COL8A2: variants seen among roughly 807,000 people sequenced by gnomAD.
COL8A2 encodes the protein collagen alpha-2(VIII) chain.
Under a neutral mutation model 24.0 loss-of-function variants are expected in COL8A2, and 16 were observed. That is an observed-to-expected ratio of 0.67 (90% CI 0.45 to 1.01). The LOEUF (loss-of-function observed/expected upper bound fraction) is 1.01. Ranked by LOEUF, COL8A2 falls within the 50% of genes least tolerant of loss-of-function variation. The pLI, the probability that COL8A2 is intolerant of heterozygous loss-of-function variation, is 0.00. For synonymous variants in COL8A2, 466 were observed against 424.5 expected (o/e 1.10, Z -1.20); for missense variants, 818 against 942.4 (o/e 0.87, Z 1.73).
intron 2 of COL8A2, among the ~76,000 whole-genome samples, chr1:36,102,668 T>TTG (rs1643695151): frequency 2.4e-5 from 3 of 125,580 alleles, no homozygotes; most frequent in South Asian, 2.7e-4. Flanking sequence ...AAGCTGGTTT[T>TTG]TTGTTTTTTT....
chr1:36,105,557 C>T (rs888874989), intron 2 of COL8A2, among the ~76,000 whole-genome samples: 2 of 152,216 alleles, frequency 1.3e-5, no homozygotes, highest in Non-Finnish European at 2.9e-5. Flanking sequence ...GCCTGACCCA[C>T]CGGGGAATGC....
At chr1:36,124,344 G>C (rs572075053) in intron 1 of COL8A2, among the ~76,000 whole-genome samples, 1 of 152,284 alleles carries the variant, frequency 6.6e-6, no homozygotes, top group East Asian at 1.9e-4. Context: ...GAGGATTTCC[G>C]GGGCTAGGGT....
Position 36,098,037 on chromosome 1 carries a change from G to A in COL8A2, c.1644C>T (p.Asn548=), listed in dbSNP as rs561219162. ...CCAGCACGGCACCCTCCACACCGCC[G>A]TTGGGCAGGTGCAAGCCTGCGATGC... ...ETGIAGLHLP[N]GGVEGAVLGK... is the part of the protein sequence containing the mutation. Residue 548 remains asparagine, a synonymous_variant, in exon 4 of 4, where the codon AAC becomes AAT. Transcript: ENST00000397799. 145 of 1,592,366 alleles carry A rather than the reference G, an allele frequency of 9.1e-5. 1 individual carries two copies. The East Asian group carries it at 9.4e-4, about 10-fold the overall frequency.
At position 36,099,217 on chromosome 1, in the gene COL8A2, C is replaced by G. The variant is rs75864656; in HGVS notation, c.464G>C (p.Arg155Pro). Residue 155 changes from arginine to proline, a missense_variant, in exon 4 of 4, where the codon CGG becomes CCG. By Grantham distance (103) the Arg-to-Pro change is moderately radical (BLOSUM62 -2). Coordinates refer to ENST00000397799, the MANE Select transcript of COL8A2 (RefSeq NM_005202.4). ...GAGGCCAGGGGGTCCTGGGGGTCCC[C>G]GGAGGCCCTGGTCCCCTCGTATTCC... Reference protein sequence around the residue: ...EPGIRGDQGLRGPPGPPGLPG... With the variant: ...EPGIRGDQGLPGPPGPPGLPG... 6.5e-7 allele frequency: 1 copy of G among 1,537,646 alleles called. No homozygotes were observed. Among genetic ancestry groups the G allele is most frequent in the South Asian group, 1.2e-5 (1 of 83,272 alleles).
chr1:36,099,985 C>CA (rs1643650437), intron 3 of COL8A2, 65 bp downstream of exon 3: 1 of 1,498,798 alleles, frequency 6.7e-7, no homozygotes, highest in African/African-American at 1.4e-5. Context: ...TGATGGCTCT[C>CA]AGGGAGGCAG....
intron 2 of COL8A2, among the ~76,000 whole-genome samples, chr1:36,112,299 G>A (rs368841300): frequency 1.1e-4 from 17 of 151,978 alleles, no homozygotes; most frequent in African/African-American, 9.7e-5. Context: ...CACCGCGCCC[G>A]GCCTATTTTT....
At chr1:36,121,874 G>C (rs1363727771) in intron 1 of COL8A2, among the ~76,000 whole-genome samples, 1 of 152,086 alleles carries the variant, frequency 6.6e-6, no homozygotes, top group Non-Finnish European at 1.5e-5. Flanking sequence ...CCTCAGGTGA[G>C]TTCCCCTCTG....
At chr1:36,103,644 C>A (rs1269430904) in intron 2 of COL8A2, among the ~76,000 whole-genome samples, 1 of 151,260 alleles carries the variant, frequency 6.6e-6, no homozygotes, top group Non-Finnish European at 1.5e-5. Flanking sequence ...CAATGAATGG[C>A]ACAATCTCAG....
Position 36,123,533 on chromosome 1 carries a change from G to C in COL8A2, c.-62+1524C>G. ...AAACCAGAGAAAGAGACCCTGGTGA[G>C]TGTGTCTGGGTGTGAGCGTATGTGT... On this transcript the variant is annotated intron_variant, in intron 1 of 3. Transcript: ENST00000397799. This position sits in a 1 kb window ranked among gnomAD's most constrained non-coding sequence, Gnocchi z 4.1. Among the ~76,000 whole-genome samples the C allele has an allele frequency of 6.6e-6, 1 of 152,212 alleles. No individual in the cohort carries two copies. Among genetic ancestry groups the C allele is most frequent in the East Asian group, 1.9e-4 (1 of 5,200 alleles).
In COL8A2 at chr1:36,099,485, T is replaced by C. The variant is rs951931608; in HGVS notation, c.196A>G (p.Met66Val). The change falls in exon 4 of 4, where the codon ATG (methionine) becomes GTG (valine). Residue 66 changes from methionine (M) to valine (V), a missense_variant and splice_region_variant. Physicochemically the swap from Met to Val is conservative, Grantham distance 21. Around this residue, in one of 3 missense-constraint regions of COL8A2, gnomAD observed 573 missense variants for 616.8 expected, o/e 0.93. Transcript: ENST00000397799. ...TCCATCGGCAGCAGCGGTAGAGGCA[T>C]TTCTGAGAAAGAAAGAGAAAGGGGC... ...FREGKGQYLE[M>V]PLPLLPMDLK... 71 of 1,538,026 alleles carry C rather than the reference T, an allele frequency of 4.6e-5. No individual in the cohort carries two copies. The highest frequency in any genetic ancestry group is 5.7e-5 in the Non-Finnish European group (65 of 1,147,662).
chr1:36,118,254 T>C (rs1437968315), intron 1 of COL8A2, among the ~76,000 whole-genome samples: 1 of 152,200 alleles, frequency 6.6e-6, no homozygotes, highest in Non-Finnish European at 1.5e-5. Context: ...GGAGGTGGGA[T>C]CTGAACCCAG....
intron 2 of COL8A2, 138 bp from the exon 3 acceptor site, chr1:36,100,396 A>G (rs1052098175): frequency 2.3e-6 from 2 of 856,566 alleles, no homozygotes; most frequent in Admixed American, 2.2e-5. Context: ...CCGAATTTAG[A>G]TATTATTCAC....
chr1:36,102,948 C>T (rs1354466379), intron 2 of COL8A2, among the ~76,000 whole-genome samples: 1 of 152,146 alleles, frequency 6.6e-6, no homozygotes, highest in Non-Finnish European at 1.5e-5. Flanking sequence ...GCAGGAATTA[C>T]AGGCATGAGC....
chr1:36,098,280 G>T lies in COL8A2; in HGVS notation c.1401C>A (p.Leu467=). ...GLRGPSGIPG[L]QGPAGPIGPQ... ...GCCCAATAGGGCCAGCTGGACCCTG[G>T]AGTCCTGGGATTCCTGAGGGACCCC... The change falls in exon 4 of 4, where the codon CTC becomes CTA. Residue 467 remains leucine (L), a synonymous_variant. Coordinates refer to ENST00000397799, the MANE Select transcript of COL8A2 (RefSeq NM_005202.4). 1 of 1,546,924 alleles carries T rather than the reference G, an allele frequency of 6.5e-7. No homozygotes were observed. Among genetic ancestry groups the T allele is most frequent in the Non-Finnish European group, 8.7e-7 (1 of 1,145,876 alleles).
At chr1:36,107,269 G>A (rs1643774730) in intron 2 of COL8A2, among the ~76,000 whole-genome samples, 1 of 152,144 alleles carries the variant, frequency 6.6e-6, no homozygotes, top group Non-Finnish European at 1.5e-5. Flanking sequence ...ACCCAGGCAT[G>A]GTGGTGCACC....
chr1:36,121,388 C>CAAAAAAAA (rs57902365), intron 1 of COL8A2, among the ~76,000 whole-genome samples: 2 of 47,636 alleles, frequency 4.2e-5, no homozygotes, highest in Non-Finnish European at 7.5e-5. Flanking sequence ...GACTCTGTCT[C>CAAAAAAAA]AAAAAAAAAA....
chr1:36,106,954 G>C (rs1015242456), intron 2 of COL8A2, among the ~76,000 whole-genome samples: 2 of 152,244 alleles, frequency 1.3e-5, no homozygotes, highest in Non-Finnish European at 2.9e-5. Flanking sequence ...TATGAGTGAG[G>C]AGGGTCTGAG....
At chr1:36,110,125 A>T (rs1044165109) in intron 2 of COL8A2, among the ~76,000 whole-genome samples, 2 of 149,216 alleles carry the variant, frequency 1.3e-5, no homozygotes, top group Non-Finnish European at 3.0e-5. Context: ...GTAGAGAGGG[A>T]GTTTCACCAT....
chr1:36,115,722 G>A lies in COL8A2; in HGVS notation c.-31C>T, dbSNP rs939495330. 1.0e-6 allele frequency: 1 copy of A among 985,370 alleles called. No individual in the cohort carries two copies. The highest frequency in any genetic ancestry group is 1.7e-5 in the African/African-American group (1 of 57,202). 61.0% of individuals were successfully genotyped at this position (985,370 alleles called of 1,614,324 possible). A position where few individuals can be genotyped will look rare whatever the true frequency, so the allele number is the denominator to read the frequency against. ...ACCTAGCTTACCTTTCAGGTCGGAG[G>A]GGCCTGGGAAGGTTCCAGCAGAGGC... On this transcript the variant is annotated 5_prime_UTR_variant, in exon 2 of 4. Coordinates refer to ENST00000397799, the MANE Select transcript of COL8A2 (RefSeq NM_005202.4). This position sits in a 1 kb window ranked among gnomAD's most constrained non-coding sequence, Gnocchi z 5.7.
Sources: gnomAD v4.1 joint callset for allele counts (sites outside exome capture counted in the v4.1 genomes callset) on GRCh38, gnomAD v4.1.1 for gene constraint, gnomAD v4.1.1 regional missense constraint, Gnocchi (gnomAD v3.1) non-coding constraint, MANE v1.5 for transcripts, NCBI Gene and HGNC (gene_info 2026-07-23, HGNC 2026-07-21) for gene names.